Variants in BBS9 observed in about 807,000 individuals in gnomAD.
The protein encoded by BBS9 is protein PTHB1.
In BBS9, 89 loss-of-function variants were observed where a neutral mutation model predicts 117.7. That is an observed-to-expected ratio of 0.76 (90% CI 0.64 to 0.90). The LOEUF (loss-of-function observed/expected upper bound fraction) is 0.90, where lower values mean the gene tolerates loss of function less well. Ranked by LOEUF, BBS9 falls within the 40% of genes least tolerant of loss-of-function variation. BBS9 has a pLI of 0.00. For missense variants in BBS9, 982 were observed against 1,042.2 expected, an observed-to-expected ratio of 0.94 and a Z score of 0.80; for synonymous variants, 379 against 370.9, an observed-to-expected ratio of 1.02 and a Z score of -0.25.
At chr7:33,286,689 G>T (rs559190845) in intron 9 of BBS9, among the ~76,000 whole-genome samples, 4 of 152,120 alleles carry the variant, frequency 2.6e-5, no homozygotes, top group East Asian at 3.9e-4. Context: ...TTTGTGTGTG[G>T]GGGGCAGTAA....
chr7:33,284,188 A>G (rs1024695363), intron 9 of BBS9, among the ~76,000 whole-genome samples: 8 of 152,264 alleles, frequency 5.3e-5, no homozygotes, highest in East Asian at 3.9e-4. Flanking sequence ...AGCTCTTGGC[A>G]TCCTATCATA....
chr7:33,477,025 G>A (rs1841896675), intron 19 of BBS9, among the ~76,000 whole-genome samples: 1 of 152,188 alleles, frequency 6.6e-6, no homozygotes, highest in African/African-American at 2.4e-5. Flanking sequence ...TTCTGAAGCT[G>A]AACTGCCCAG....
chr7:33,399,926 G>A (rs372934207), intron 19 of BBS9, among the ~76,000 whole-genome samples: 11 of 152,136 alleles, frequency 7.2e-5, no homozygotes, highest in Non-Finnish European at 1.3e-4. Context: ...ACCTATTATC[G>A]TATGAAAACA....
At chr7:33,529,590 C>CTCCCT (rs1850243379) in intron 20 of BBS9, among the ~76,000 whole-genome samples, 1 of 152,086 alleles carries the variant, frequency 6.6e-6, no homozygotes, top group Non-Finnish European at 1.5e-5. Flanking sequence ...CTAACACCTT[C>CTCCCT]TCCCTTCCCT....
At chr7:33,465,249 A>T (rs79495808) in intron 19 of BBS9, among the ~76,000 whole-genome samples, 1 of 149,716 alleles carries the variant, frequency 6.7e-6, no homozygotes, top group Non-Finnish European at 1.5e-5. Context: ...AAAAAAAAAA[A>T]CATGATTTAT....
chr7:33,162,388 G>A (rs965384406), intron 4 of BBS9, among the ~76,000 whole-genome samples: 8 of 151,964 alleles, frequency 5.3e-5, no homozygotes, highest in African/African-American at 1.4e-4. Flanking sequence ...ATATGCCATT[G>A]GTAATGGCAT....
intron 21 of BBS9, among the ~76,000 whole-genome samples, chr7:33,546,596 AT>A (rs1380356608): frequency 6.6e-6 from 1 of 152,092 alleles, no homozygotes; most frequent in Non-Finnish European, 1.5e-5. Flanking sequence ...TATCTTCTAC[AT>A]TTTCTTCCTT....
chr7:33,162,222 G>A (rs1018288009), intron 4 of BBS9, among the ~76,000 whole-genome samples: 3 of 152,084 alleles, frequency 2.0e-5, no homozygotes, highest in Admixed American at 6.5e-5. Flanking sequence ...AATTAATTTT[G>A]TATAAGGTGT....
chr7:33,502,809 G>A (rs1329597924), intron 19 of BBS9, among the ~76,000 whole-genome samples: 1 of 152,150 alleles, frequency 6.6e-6, no homozygotes, highest in Non-Finnish European at 1.5e-5. Flanking sequence ...TTTGAATCCT[G>A]TTCTTTCATC....
chr7:33,220,345 A>G (rs1055934226), intron 5 of BBS9, among the ~76,000 whole-genome samples: 2 of 152,156 alleles, frequency 1.3e-5, no homozygotes, highest in Non-Finnish European at 2.9e-5. Flanking sequence ...GTCAGGGCAG[A>G]TGCTGCTGAT....
intron 5 of BBS9, among the ~76,000 whole-genome samples, chr7:33,241,533 T>A (rs1172767179): frequency 1.3e-5 from 2 of 152,216 alleles, no homozygotes; most frequent in East Asian, 3.8e-4. Flanking sequence ...CTCTATTATG[T>A]ACCTGTGAAA....
chr7:33,132,660 G>A lies in BBS9; in HGVS notation c.-12+2619G>A, dbSNP rs372692174. On this transcript the variant is annotated intron_variant, in intron 1 of 22. Transcript: ENST00000242067. The stretch of plus-strand genomic sequence containing the variant: ...TTGTAACCCAAAAGCCAGGTTTCAT[G>A]ACCAAAAAATGTTTTATTACTATTG... 1.3e-4 allele frequency among the ~76,000 whole-genome samples: 20 copies of A among 152,126 alleles called. No homozygotes were observed. The East Asian group carries it at 3.1e-3, about 24-fold the overall frequency.
chr7:33,561,377 G>C (rs1414476884), intron 21 of BBS9, among the ~76,000 whole-genome samples: 2 of 152,120 alleles, frequency 1.3e-5, no homozygotes, highest in Non-Finnish European at 2.9e-5. Flanking sequence ...CAGTATTTCT[G>C]AGTCCTGCTC....
At chr7:33,611,517 A>T (rs1334441665) in intron 21 of BBS9, among the ~76,000 whole-genome samples, 2 of 141,884 alleles carry the variant, frequency 1.4e-5, no homozygotes, top group African/African-American at 5.2e-5. Context: ...TATTATATAT[A>T]ATATTAAAGT....
chr7:33,260,502 C>T (rs908017989), intron 6 of BBS9, among the ~76,000 whole-genome samples: 1 of 152,106 alleles, frequency 6.6e-6, no homozygotes, highest in Non-Finnish European at 1.5e-5. Context: ...CTGACATTTT[C>T]CAGAGTATCT....
chr7:33,348,070 G>A (rs957775708), intron 12 of BBS9, among the ~76,000 whole-genome samples: 6 of 152,024 alleles, frequency 3.9e-5, no homozygotes, highest in African/African-American at 1.4e-4. Flanking sequence ...TGTATTTACA[G>A]AATTTTGCAA....
intron 19 of BBS9, among the ~76,000 whole-genome samples, chr7:33,404,946 G>T (rs1027945783): frequency 6.6e-6 from 1 of 152,074 alleles, no homozygotes; most frequent in African/African-American, 2.4e-5. Flanking sequence ...AATGCTTCCA[G>T]TTTTTGCCCA....
intron 21 of BBS9, among the ~76,000 whole-genome samples, chr7:33,593,519 G>A (rs1460779788): frequency 6.6e-6 from 1 of 152,016 alleles, no homozygotes; most frequent in Non-Finnish European, 1.5e-5. Context: ...CAGATGTAAT[G>A]CAAATAAATA....
intron 7 of BBS9, among the ~76,000 whole-genome samples, chr7:33,266,596 A>T (rs73309324): frequency 0.11 from 17,186 of 152,054 alleles, 1,145 homozygotes; most frequent in African/African-American, 0.18. Context: ...ATTATGTTGG[A>T]TGATAGTGTT....
Sources: allele counts gnomAD v4.1 joint callset (sites outside exome capture counted in the v4.1 genomes callset), GRCh38; gene constraint gnomAD v4.1.1; transcripts MANE v1.5; gene names NCBI Gene and HGNC (gene_info 2026-07-23, HGNC 2026-07-21).